The following TCEA1 variants were observed in gnomAD, a reference collection of about 807,000 sequenced individuals.
The protein encoded by TCEA1 is transcription elongation factor A protein 1.
A neutral mutation model predicts 43.8 loss-of-function variants in TCEA1; 21 were observed. That is an observed-to-expected ratio of 0.48 (90% CI 0.34 to 0.69). The LOEUF is 0.69. Among genes scored for constraint, TCEA1 ranks in the 30% least tolerant of loss-of-function variants. The pLI, the probability that TCEA1 is intolerant of heterozygous loss-of-function variation, is 0.01. For synonymous variants in TCEA1, 104 were observed against 117.5 expected (o/e 0.88, Z 0.75); for missense variants, 250 against 365.1 (o/e 0.68, Z 2.57).
chr8:54,022,297 G>T lies in TCEA1; in HGVS notation c.-172C>A, dbSNP rs546282690. The T allele has an allele frequency of 1.3e-6, 1 of 765,510 alleles. No individual in the cohort carries two copies. Among genetic ancestry groups the T allele is most frequent in the Non-Finnish European group, 2.1e-6 (1 of 468,086 alleles). The allele number at this position is 765,510 out of a possible 1,614,324, so 47.4% of individuals were successfully genotyped here. A position where few individuals can be genotyped will look rare whatever the true frequency, so the allele number is the denominator to read the frequency against. On this transcript the variant is annotated 5_prime_UTR_variant, in exon 1 of 10. Coordinates refer to ENST00000521604, the MANE Select transcript of TCEA1 (RefSeq NM_006756.4). ...AGCCCGCGGCGGCGGCGGCGGCGGCGGCGGCTCCGGCTCCTCCTCCCCAGG... is the reference window on the plus strand; with the variant it reads ...AGCCCGCGGCGGCGGCGGCGGCGGCTGCGGCTCCGGCTCCTCCTCCCCAGG...
intron 1 of TCEA1, among the ~76,000 whole-genome samples, chr8:54,016,219 G>A (rs1804819769): frequency 6.6e-6 from 1 of 152,232 alleles, no homozygotes; most frequent in South Asian, 2.1e-4. Flanking sequence ...GCTCACGCCT[G>A]TAATCCCGGC....
chr8:53,970,637 C>T (rs1315171428), intron 8 of TCEA1, among the ~76,000 whole-genome samples, 174 bp from the exon 9 acceptor site: 1 of 152,128 alleles, frequency 6.6e-6, no homozygotes, highest in Non-Finnish European at 1.5e-5. Flanking sequence ...CACGCACTTC[C>T]AAACTTCATT....
intron 3 of TCEA1, among the ~76,000 whole-genome samples, chr8:53,993,965 T>C (rs1272663492): frequency 6.6e-6 from 1 of 152,194 alleles, no homozygotes; most frequent in Non-Finnish European, 1.5e-5. Context: ...TGGTGGGAAC[T>C]ACAAATTCAC....
At chr8:54,017,106 G>C (rs1804857007) in intron 1 of TCEA1, among the ~76,000 whole-genome samples, 2 of 152,042 alleles carry the variant, frequency 1.3e-5, no homozygotes, top group East Asian at 1.9e-4. Flanking sequence ...AAGTATATTA[G>C]TGGCTGTCAG....
chr8:54,006,849 G>GT (rs1004767650), intron 2 of TCEA1, among the ~76,000 whole-genome samples: 26 of 151,932 alleles, frequency 1.7e-4, no homozygotes, highest in African/African-American at 5.8e-4. Flanking sequence ...GTTCTTTTTT[G>GT]TTTTTTGATA....
intron 1 of TCEA1, among the ~76,000 whole-genome samples, chr8:54,016,724 C>A (rs1434408570): frequency 2.0e-5 from 3 of 151,926 alleles, no homozygotes; most frequent in African/African-American, 7.3e-5. Context: ...CGTGGAAATC[C>A]CAGCACTTTG....
rs115351462 is a variant in TCEA1, at chr8:53,976,747, T to A, written c.825+2278A>T. Reference sequence around the variant, plus strand: ...ATTTTTTAGGGTGCAATTTTTATTGTTAAGATATTTCTACCTGATTAAAAG... The same window carrying A: ...ATTTTTTAGGGTGCAATTTTTATTGATAAGATATTTCTACCTGATTAAAAG... On this transcript the variant is annotated intron_variant, in intron 8 of 9. Coordinates refer to ENST00000521604, the MANE Select transcript of TCEA1 (RefSeq NM_006756.4). Among the ~76,000 whole-genome samples the A allele has an allele frequency of 4.1e-3, 623 of 152,334 alleles. 4 individuals carry two copies. The highest frequency in any genetic ancestry group is 0.014 in the African/African-American group (594 of 41,582).
At chr8:53,993,959 G>A (rs1586013356) in intron 3 of TCEA1, among the ~76,000 whole-genome samples, 1 of 152,128 alleles carries the variant, frequency 6.6e-6, no homozygotes, top group Non-Finnish European at 1.5e-5. Context: ...CTCATTTGGT[G>A]GGAACTACAA....
chr8:53,990,188 ACT>A (rs748646243), intron 4 of TCEA1, among the ~76,000 whole-genome samples: 1 of 148,396 alleles, frequency 6.7e-6, no homozygotes, highest in Non-Finnish European at 1.5e-5. Context: ...AAAGAGCAAG[ACT>A]CTGTCTCCAA....
chr8:54,000,445 T>A (rs534335425), intron 2 of TCEA1, among the ~76,000 whole-genome samples: 1 of 152,210 alleles, frequency 6.6e-6, no homozygotes, highest in Non-Finnish European at 1.5e-5. Context: ...CATGGATTAC[T>A]TCATAGAGCA....
chr8:53,987,134 A>G (rs1803713494), intron 5 of TCEA1, 109 bp from the exon 6 acceptor site: 2 of 902,702 alleles, frequency 2.2e-6, no homozygotes, highest in Non-Finnish European at 1.7e-6. Context: ...TTTGCCTGAC[A>G]TAAAGAAACC....
intron 7 of TCEA1, among the ~76,000 whole-genome samples, chr8:53,979,695 T>C (rs1257932107): frequency 6.6e-6 from 1 of 152,200 alleles, no homozygotes; most frequent in East Asian, 1.9e-4. Flanking sequence ...GTAGACATAG[T>C]TTCTATAATC....
At chr8:53,979,365 A>C (rs890606011) in intron 7 of TCEA1, among the ~76,000 whole-genome samples, 194 bp from the exon 8 acceptor site, 1 of 152,220 alleles carries the variant, frequency 6.6e-6, no homozygotes, top group African/African-American at 2.4e-5. Flanking sequence ...CAAATACTTA[A>C]AAGTTTACAT....
At chr8:53,987,297 ACTCC>A (rs1803718877) in intron 5 of TCEA1, among the ~76,000 whole-genome samples, 4 of 152,122 alleles carry the variant, frequency 2.6e-5, no homozygotes, top group African/African-American at 9.7e-5. Context: ...ATTTTTCGTA[ACTCC>A]ATAAATTCTG....
At chr8:53,971,030 A>T (rs1010393248) in intron 8 of TCEA1, among the ~76,000 whole-genome samples, 1 of 152,238 alleles carries the variant, frequency 6.6e-6, no homozygotes, top group East Asian at 1.9e-4. Context: ...GTATAATTTT[A>T]TAACAGCACA....
intron 4 of TCEA1, among the ~76,000 whole-genome samples, chr8:53,990,110 C>T (rs543576976): frequency 6.6e-6 from 1 of 151,906 alleles, no homozygotes; most frequent in South Asian, 2.1e-4. Flanking sequence ...AAGTAGGGGG[C>T]TCGCTTGAGA....
chr8:53,982,287 T>C (rs1803534829), intron 7 of TCEA1, among the ~76,000 whole-genome samples: 1 of 151,960 alleles, frequency 6.6e-6, no homozygotes, highest in Admixed American at 6.6e-5. Context: ...TGGATGACTT[T>C]GAGGGGTTTG....
At chr8:53,977,743 A>G (rs1359870127) in intron 8 of TCEA1, among the ~76,000 whole-genome samples, 5 of 152,174 alleles carry the variant, frequency 3.3e-5, no homozygotes. Flanking sequence ...TGCAACCAAA[A>G]TAACTATAAC....
chr8:53,986,908 A>G (rs1319672171), intron 6 of TCEA1, 61 bp downstream of exon 6: 3 of 1,346,278 alleles, frequency 2.2e-6, no homozygotes, highest in Non-Finnish European at 3.1e-6. Flanking sequence ...TGGCATTTGC[A>G]TATGTTCAAT....
Sources: gnomAD v4.1 joint callset for allele counts (sites outside exome capture counted in the v4.1 genomes callset) on GRCh38, gnomAD v4.1.1 for gene constraint, MANE v1.5 for transcripts, NCBI Gene and HGNC (gene_info 2026-07-23, HGNC 2026-07-21) for gene names.